Variants in CD200R1 observed in about 807,000 individuals in gnomAD.
CD200R1 encodes cell surface glycoprotein CD200 receptor 1.
CD200R1 carries 30 observed loss-of-function variants against 38.1 expected under a neutral mutation model. That is an observed-to-expected ratio of 0.79 (90% CI 0.59 to 1.07). The LOEUF (loss-of-function observed/expected upper bound fraction) is 1.07. Among genes scored for constraint, CD200R1 ranks in the 50% least tolerant of loss-of-function variants. The pLI is 0.00. For missense variants in CD200R1, 372 were observed against 415.4 expected, an observed-to-expected ratio of 0.90 and a Z score of 0.91; for synonymous variants, 128 against 152.1, an observed-to-expected ratio of 0.84 and a Z score of 1.16.
intron 2 of CD200R1, among the ~76,000 whole-genome samples, chr3:112,938,045 C>A (rs1940628762): frequency 6.6e-6 from 1 of 152,098 alleles, no homozygotes; most frequent in South Asian, 2.1e-4. Flanking sequence ...GATTTTGGAT[C>A]CTGAAACTTT....
In CD200R1 at chr3:112,947,769, T is replaced by G. The variant is rs537505797; in HGVS notation, c.136+87A>C. On this transcript the variant is annotated intron_variant, in intron 2 of 7. Coordinates refer to ENST00000308611, the MANE Select transcript of CD200R1 (RefSeq NM_138806.4). ...TCATTTAGATAATACAGATAATGCA[T>G]GAGACAATTCAAGATCCAAAAATGT... is the stretch of plus-strand genomic sequence containing the variant. 3 of 808,826 alleles carry G rather than the reference T, an allele frequency of 3.7e-6. No homozygotes were observed. The East Asian group carries it at 7.4e-5, about 20-fold the overall frequency. The allele number at this position is 808,826 out of a possible 1,614,324, so 50.1% of individuals were successfully genotyped here.
At chr3:112,931,281 T>A in intron 2 of CD200R1, 110 bp from the exon 3 acceptor site, 1 of 613,604 alleles carries the variant, frequency 1.6e-6, no homozygotes, top group Admixed American at 2.6e-5. Context: ...CAGTTAACCA[T>A]AATTAAAATT....
In CD200R1 at chr3:112,926,448, A is replaced by G. The variant is rs1940282941; in HGVS notation, c.770-1255T>C. On this transcript the variant is annotated intron_variant, in intron 5 of 7. Transcript: ENST00000308611. ...TTAAAACCCTTGCTTTCAAACTACTAAGCTCTCTCTCATTAAATTTGTACT... is the reference window on the plus strand; with the variant it reads ...TTAAAACCCTTGCTTTCAAACTACTGAGCTCTCTCTCATTAAATTTGTACT... Among the ~76,000 whole-genome samples, 5 of 152,142 alleles carry G rather than the reference A, an allele frequency of 3.3e-5. No homozygotes were observed. In the South Asian group the frequency reaches 1.0e-3, roughly 32 times the overall value.
intron 1 of CD200R1, among the ~76,000 whole-genome samples, chr3:112,965,371 C>T (rs377755011): frequency 2.6e-5 from 4 of 152,222 alleles, no homozygotes; most frequent in Admixed American, 6.5e-5. Context: ...GAATGCTGAC[C>T]TTGAAAGAAT....
intron 1 of CD200R1, among the ~76,000 whole-genome samples, chr3:112,964,862 G>A (rs1475284184): frequency 6.6e-6 from 1 of 152,112 alleles, no homozygotes; most frequent in African/African-American, 2.4e-5. Context: ...ACGTGTTGTG[G>A]GAGGTATTTG....
At chr3:112,969,770 GC>G (rs1933256223) in intron 1 of CD200R1, among the ~76,000 whole-genome samples, 3 of 152,200 alleles carry the variant, frequency 2.0e-5, no homozygotes, top group Non-Finnish European at 2.9e-5. Flanking sequence ...CTGCTCACAA[GC>G]ATACTGTACA....
At position 112,925,482 on chromosome 3, in the gene CD200R1, A is replaced by G. The variant is rs367755747; in HGVS notation, c.770-289T>C. On this transcript the variant is annotated intron_variant, in intron 5 of 7. Transcript: ENST00000308611. ...GAAAGAGCAAGGAGGATTGTGTAGG[A>G]CAATAAAACTGTTCCATATAATACT... Among the ~76,000 whole-genome samples, 429 of 152,236 alleles carry G rather than the reference A, an allele frequency of 2.8e-3. 2 individuals are homozygous for G. The highest frequency in any genetic ancestry group is 4.5e-3 in the Non-Finnish European group (305 of 67,992).
intron 6 of CD200R1, 142 bp downstream of exon 6, chr3:112,924,943 A>G (rs898921250): frequency 3.1e-5 from 20 of 643,046 alleles, no homozygotes; most frequent in Non-Finnish European, 5.2e-5. Context: ...AAGTAGTCCA[A>G]GTCTATCTAA....
chr3:112,936,500 C>T (rs1940585733), intron 2 of CD200R1, among the ~76,000 whole-genome samples: 1 of 152,172 alleles, frequency 6.6e-6, no homozygotes, highest in African/African-American at 2.4e-5. Flanking sequence ...ACCATTCTGA[C>T]TGGTGTGAGA....
intron 1 of CD200R1, among the ~76,000 whole-genome samples, chr3:112,962,205 C>G (rs1340772713): frequency 2.6e-5 from 4 of 152,126 alleles, no homozygotes; most frequent in Admixed American, 2.0e-4. Context: ...TTTTTTGAGG[C>G]AATTACTGTC....
Position 112,928,950 on chromosome 3 carries a change from T to A in CD200R1, c.635A>T (p.Lys212Met), listed in dbSNP as rs1458528890. The A allele has an allele frequency of 1.2e-6, 2 of 1,614,042 alleles. No individual in the cohort carries two copies. Among genetic ancestry groups the A allele is most frequent in the South Asian group, 2.2e-5 (2 of 91,086 alleles). ...TGTGCCATTGCTCCAGTATTCTTGC[T>A]TAGTGGCACAATCGCCCTCTGGGAT... ...SWIPEGDCAT[K>M]QEYWSNGTVT... Residue 212 changes from lysine (K) to methionine (M), a missense_variant, in exon 5 of 8, where the codon AAG (lysine) becomes ATG (methionine). Physicochemically the swap from Lys to Met is moderately conservative, Grantham distance 95. Coordinates refer to ENST00000308611, the MANE Select transcript of CD200R1 (RefSeq NM_138806.4).
chr3:112,969,300 GGAAAATATGTATAAAAA>G (rs1933241903), intron 1 of CD200R1, among the ~76,000 whole-genome samples: 1 of 152,010 alleles, frequency 6.6e-6, no homozygotes, highest in African/African-American at 2.4e-5. Context: ...AAGATATTGG[GGAAAATATGTATAAAAA>G]GGGAACTAAG....
At position 112,921,224 on chromosome 3, in the gene CD200R1, A is replaced by C. The variant is rs1940166487; in HGVS notation, c.*2453T>G. The C allele has an allele frequency of 6.6e-6, 1 of 152,024 alleles. No homozygotes were observed. The highest frequency in any genetic ancestry group is 2.4e-5 in the African/African-American group (1 of 41,432). 9.4% of individuals were successfully genotyped at this position (152,024 alleles called of 1,614,324 possible). On this transcript the variant is annotated 3_prime_UTR_variant, in exon 8 of 8. Coordinates refer to ENST00000308611, the MANE Select transcript of CD200R1 (RefSeq NM_138806.4). Reference sequence around the variant, plus strand: ...AGAAAATTTTGGGGGGTGATGGACAAGTTTATTATCTTGATTATGCTGATG... The same window carrying C: ...AGAAAATTTTGGGGGGTGATGGACACGTTTATTATCTTGATTATGCTGATG...
At chr3:112,942,540 T>G (rs1940750493) in intron 2 of CD200R1, among the ~76,000 whole-genome samples, 1 of 151,156 alleles carries the variant, frequency 6.6e-6, no homozygotes, top group African/African-American at 2.4e-5. Flanking sequence ...AGGAAAAGAG[T>G]AGAAGACAAA....
intron 1 of CD200R1, among the ~76,000 whole-genome samples, chr3:112,964,038 A>T (rs1576153362): frequency 6.6e-6 from 1 of 152,154 alleles, no homozygotes; most frequent in Non-Finnish European, 1.5e-5. Context: ...GGCAGCTTCC[A>T]TGTGGTGTTG....
At chr3:112,963,622 C>T (rs773971096) in intron 1 of CD200R1, among the ~76,000 whole-genome samples, 7 of 151,970 alleles carry the variant, frequency 4.6e-5, no homozygotes, top group Admixed American at 2.6e-4. Context: ...ATTCAAGATG[C>T]GACTTGGGTG....
At chr3:112,954,951 G>A (rs935246864) in intron 1 of CD200R1, among the ~76,000 whole-genome samples, 4 of 152,142 alleles carry the variant, frequency 2.6e-5, no homozygotes, top group Non-Finnish European at 4.4e-5. Flanking sequence ...GGGATCTAAT[G>A]TTTCCTTCAA....
At chr3:112,955,408 G>A (rs901411259) in intron 1 of CD200R1, among the ~76,000 whole-genome samples, 7 of 151,834 alleles carry the variant, frequency 4.6e-5, no homozygotes, top group African/African-American at 1.7e-4. Context: ...TTATATTTAG[G>A]TGCTTCAATG....
intron 2 of CD200R1, among the ~76,000 whole-genome samples, chr3:112,946,032 C>CAAAAA (rs1208921538): frequency 2.8e-4 from 20 of 71,582 alleles, no homozygotes; most frequent in East Asian, 8.4e-4. Flanking sequence ...GACTCCGTCT[C>CAAAAA]AAAAAAAAAA....
Sources: gnomAD v4.1 joint callset for allele counts (sites outside exome capture counted in the v4.1 genomes callset) on GRCh38, gnomAD v4.1.1 for gene constraint, MANE v1.5 for transcripts, NCBI Gene and HGNC (gene_info 2026-07-23, HGNC 2026-07-21) for gene names.